The following SUPT16H variants were observed in gnomAD, a reference collection of about 807,000 sequenced individuals.
The protein encoded by SUPT16H is SPT16 homolog, facilitates chromatin remodeling subunit, also known as FACT complex subunit SPT16.
Under a neutral mutation model 136.2 loss-of-function variants are expected in SUPT16H, and 24 were observed. The observed-to-expected ratio is 0.18, with a 90% confidence interval of 0.13 to 0.25. The LOEUF (loss-of-function observed/expected upper bound fraction) is 0.25, where lower values mean the gene tolerates loss of function less well. Ranked by LOEUF, SUPT16H falls within the 10% of genes least tolerant of loss-of-function variation. The pLI, the probability that SUPT16H is intolerant of heterozygous loss-of-function variation, is 1.00. For missense variants in SUPT16H, 623 were observed against 1,270.2 expected (o/e 0.49, Z 7.74); for synonymous variants, 415 against 428.2 (o/e 0.97, Z 0.38).
Position 21,354,513 on chromosome 14 carries a change from T to G in SUPT16H, c.2688A>C (p.Gly896=). 1 of 1,614,166 alleles carries G rather than the reference T, an allele frequency of 6.2e-7. No homozygotes were observed. Among genetic ancestry groups the G allele is most frequent in the East Asian group, 2.2e-5 (1 of 44,892 alleles). ...LNSCDLKYTE[G]VQSLNWTKIM... ...TTTTAGTCCAGTTGAGGGACTGTAC[T>G]CCTTCTGTGTATTTCAGGTCGCAGG... Residue 896 remains glycine (G), a synonymous_variant, in exon 23 of 26, where the codon GGA becomes GGC. Coordinates refer to ENST00000216297, the MANE Select transcript of SUPT16H (RefSeq NM_007192.4).
rs1258268951 is a variant in SUPT16H at position 21,368,539 on chromosome 14, C to T, written c.783-98G>A. 4 of 1,324,100 alleles carry T rather than the reference C, an allele frequency of 3.0e-6. No homozygotes were observed. The African/African-American group carries it at 6.0e-5, about 20-fold the overall frequency. 82.0% of individuals were successfully genotyped at this position (1,324,100 alleles called of 1,614,324 possible). ...TATCAATAATCATTACTTTTCCCTGCCATATCCCAAAGCTGTGGCTGAATA... is the reference window on the plus strand; with the variant it reads ...TATCAATAATCATTACTTTTCCCTGTCATATCCCAAAGCTGTGGCTGAATA... On this transcript the variant is annotated intron_variant, in intron 6 of 25. Transcript: ENST00000216297.
chr14:21,369,121 C>T (rs1043459017), intron 6 of SUPT16H, 83 bp downstream of exon 6: 3 of 1,477,810 alleles, frequency 2.0e-6, no homozygotes, highest in East Asian at 4.6e-5. Context: ...TTTCAGTGTA[C>T]CCCACAAATT....
At position 21,358,310 on chromosome 14, in the gene SUPT16H, G is replaced by T; in HGVS notation, c.2414+5C>A. 6.3e-7 allele frequency: 1 copy of T among 1,582,084 alleles called. No homozygotes were observed. On this transcript the variant is annotated splice_donor_5th_base_variant and intron_variant, in intron 20 of 25. Coordinates refer to ENST00000216297, the MANE Select transcript of SUPT16H (RefSeq NM_007192.4). ...AAACTTCAAGCCAAAAATAAGATAG[G>T]TTACCCCAAGTCCCTAAAAGGCACT...
At chr14:21,373,716 T>C (rs1011489123) in intron 1 of SUPT16H, among the ~76,000 whole-genome samples, 1 of 152,218 alleles carries the variant, frequency 6.6e-6, no homozygotes, top group African/African-American at 2.4e-5. Flanking sequence ...AGAAATATTT[T>C]ATTTTTTAAA....
chr14:21,355,513 T>TAAAAAA (rs59639210), intron 22 of SUPT16H, among the ~76,000 whole-genome samples: 46 of 113,214 alleles, frequency 4.1e-4, no homozygotes, highest in South Asian at 8.6e-4. Context: ...ATAATAATAA[T>TAAAAAA]AAAAAAAAAA....
chr14:21,369,459 A>C, intron 5 of SUPT16H, 104 bp from the exon 6 acceptor site: 4 of 1,456,138 alleles, frequency 2.7e-6, no homozygotes, highest in South Asian at 1.3e-5. Context: ...TATAAGTCTT[A>C]GGAAATGATT....
chr14:21,383,701 C>G (rs1167027919), intron 1 of SUPT16H, 161 bp downstream of exon 1: 2 of 779,750 alleles, frequency 2.6e-6, no homozygotes, highest in African/African-American at 3.4e-5. Context: ...TAAGGGGCAG[C>G]GTTCGTGGCC....
In SUPT16H at chr14:21,365,160, A is replaced by G; in HGVS notation, c.1047-17T>C. Reference sequence around the variant, plus strand: ...ATCCCAAACCTGAAAAGAAACAGATAAACATCAGCAAAAGGCTAAAGATCT... The same window carrying G: ...ATCCCAAACCTGAAAAGAAACAGATGAACATCAGCAAAAGGCTAAAGATCT... On this transcript the variant is annotated splice_polypyrimidine_tract_variant and intron_variant, in intron 8 of 25. Coordinates refer to ENST00000216297, the MANE Select transcript of SUPT16H (RefSeq NM_007192.4). 6.2e-7 allele frequency: 1 copy of G among 1,609,270 alleles called. No homozygotes were observed. The highest frequency in any genetic ancestry group is 8.5e-7 in the Non-Finnish European group (1 of 1,176,388).
At chr14:21,353,389 A>G (rs1886364906) in intron 25 of SUPT16H, 99 bp downstream of exon 25, 3 of 1,195,324 alleles carry the variant, frequency 2.5e-6, no homozygotes, top group Non-Finnish European at 2.4e-6. Flanking sequence ...TTCTTTTGTT[A>G]CTTTCATTAC....
chr14:21,370,702 C>A (rs1886767809), intron 3 of SUPT16H, among the ~76,000 whole-genome samples: 1 of 152,140 alleles, frequency 6.6e-6, no homozygotes, highest in Admixed American at 6.5e-5. Context: ...CAACCTCGAA[C>A]TCCCAAGTTC....
chr14:21,359,760 A>G, intron 18 of SUPT16H, 151 bp from the exon 19 acceptor site: 1 of 899,200 alleles, frequency 1.1e-6, no homozygotes. Context: ...ATGCTTGGGA[A>G]TGGAAACAGT....
chr14:21,361,668 C>T (rs1886559504), intron 15 of SUPT16H, among the ~76,000 whole-genome samples: 1 of 152,136 alleles, frequency 6.6e-6, no homozygotes, highest in South Asian at 2.1e-4. Context: ...CAAATTATCC[C>T]ATTTCACACC....
intron 2 of SUPT16H, chr14:21,372,589 C>A: frequency 2.5e-6 from 1 of 398,946 alleles, no homozygotes; most frequent in Non-Finnish European, 4.8e-6. Flanking sequence ...GTTTTCTTCT[C>A]TGTCTCTTTT....
chr14:21,383,771 T>A, intron 1 of SUPT16H, 91 bp downstream of exon 1: 2 of 1,477,432 alleles, frequency 1.4e-6, no homozygotes, highest in Middle Eastern at 3.5e-4. Context: ...CGGGAATTCC[T>A]GACCGAAAGA....
intron 8 of SUPT16H, among the ~76,000 whole-genome samples, chr14:21,366,044 G>C (rs551072031): frequency 6.6e-6 from 1 of 152,232 alleles, no homozygotes; most frequent in Non-Finnish European, 1.5e-5. Flanking sequence ...CTAGACTGCA[G>C]TGAGGCACGA....
Position 21,371,770 on chromosome 14 carries a change from C to T in SUPT16H, c.330+104G>A, listed in dbSNP as rs1886790069. 3.9e-5 allele frequency: 54 copies of T among 1,375,684 alleles called. No homozygotes were observed. In the South Asian group the frequency reaches 6.2e-4, roughly 16 times the overall value. 85.2% of individuals were successfully genotyped at this position (1,375,684 alleles called of 1,614,324 possible). Reference sequence around the variant, plus strand: ...ACTTTGTAATTACAACCACAGCCACCTATAATTTCCCCTGCGCATTCTTTC... The same window carrying T: ...ACTTTGTAATTACAACCACAGCCACTTATAATTTCCCCTGCGCATTCTTTC... On this transcript the variant is annotated intron_variant, in intron 3 of 25. Transcript: ENST00000216297.
chr14:21,357,867 C>G, intron 21 of SUPT16H, 60 bp downstream of exon 21: 1 of 1,454,820 alleles, frequency 6.9e-7, no homozygotes, highest in South Asian at 1.2e-5. Context: ...ATAAAAAACA[C>G]CTATCCTTCT....
chr14:21,359,753 C>G (rs1179843843), intron 18 of SUPT16H, 144 bp from the exon 19 acceptor site: 5 of 929,714 alleles, frequency 5.4e-6, no homozygotes, highest in Non-Finnish European at 7.8e-6. Flanking sequence ...AATAATGATG[C>G]TTGGGAATGG....
At position 21,353,767 on chromosome 14, in the gene SUPT16H, T is replaced by C; in HGVS notation, c.2856A>G (p.Glu952=). The change falls in exon 24 of 26, where the codon GAA becomes GAG. Residue 952 remains glutamate, a synonymous_variant. Transcript: ENST00000216297. ...CCTCCTCTTCCTCTTCATAGTCATCTTCTGAAGGATTAAAAGTCTCATCTT... is the reference window on the plus strand; with the variant it reads ...CCTCCTCTTCCTCTTCATAGTCATCCTCTGAAGGATTAAAAGTCTCATCTT... ...EIEDETFNPS[E]DDYEEEEEDS... is the part of the protein sequence containing the mutation. 6.2e-7 allele frequency: 1 copy of C among 1,614,064 alleles called. No individual in the cohort carries two copies. The highest frequency in any genetic ancestry group is 1.1e-5 in the South Asian group (1 of 91,070).
Sources: gnomAD v4.1 joint callset for allele counts (sites outside exome capture counted in the v4.1 genomes callset) on GRCh38, gnomAD v4.1.1 for gene constraint, MANE v1.5 for transcripts, NCBI Gene and HGNC (gene_info 2026-07-23, HGNC 2026-07-21) for gene names.